The following PDE1A variants were observed in gnomAD, a reference collection of about 807,000 sequenced individuals.
The protein encoded by PDE1A is phosphodiesterase 1A.
In PDE1A, 35 loss-of-function variants were observed where a neutral mutation model predicts 61.7. The ratio of observed to expected loss-of-function variants is 0.57; its 90% CI spans 0.43 to 0.75. The LOEUF is 0.75. Among genes scored for constraint, PDE1A ranks in the 30% least tolerant of loss-of-function variants. The pLI, the probability that PDE1A is intolerant of heterozygous loss-of-function variation, is 0.00. For synonymous variants in PDE1A, 232 were observed against 213.2 expected (o/e 1.09, Z -0.77); for missense variants, 597 against 630.6 (o/e 0.95, Z 0.57).
intron 2 of PDE1A, among the ~76,000 whole-genome samples, chr2:182,253,622 G>A (rs137959550): frequency 2.0e-5 from 3 of 152,258 alleles, no homozygotes; most frequent in South Asian, 4.2e-4. Context: ...TAGTGAACTG[G>A]AGAACAATAA....
intron 13 of PDE1A, chr2:182,168,340 T>G: frequency 6.7e-7 from 1 of 1,497,784 alleles, no homozygotes; most frequent in Non-Finnish European, 9.0e-7. Flanking sequence ...GAAAATGCTG[T>G]AAAGAAGTTA....
intron 10 of PDE1A, among the ~76,000 whole-genome samples, chr2:182,190,340 T>A (rs1685584960): frequency 6.6e-6 from 1 of 152,206 alleles, no homozygotes; most frequent in African/African-American, 2.4e-5. Flanking sequence ...ATAATAACAC[T>A]ATTTCCATTT....
exon 1 of PDE1A, chr2:182,426,756 C>G: frequency 9.9e-6 from 15 of 1,515,570 alleles, no homozygotes; most frequent in Non-Finnish European, 1.1e-5. Context: ...TCCTCTTTCT[C>G]TTTTTGGGTG....
At chr2:182,574,618 C>T in the PDE1A span, among the ~76,000 whole-genome samples, 9 of 152,262 alleles carry the variant, frequency 5.9e-5, 1 homozygote, top group South Asian at 1.9e-3. Context: ...TTAGTACAAG[C>T]GTATACATGC....
chr2:182,377,513 C>A (rs1700481590), intron 1 of PDE1A, among the ~76,000 whole-genome samples: 1 of 152,182 alleles, frequency 6.6e-6, no homozygotes, highest in Non-Finnish European at 1.5e-5. Context: ...GATGCAAGAA[C>A]AGATTAATAC....
chr2:182,461,618 T>C (rs1686292425), intron 2 of PDE1A, among the ~76,000 whole-genome samples: 1 of 152,148 alleles, frequency 6.6e-6, no homozygotes. Context: ...TACATTCCCC[T>C]GTAACAGCGT....
chr2:182,383,992 T>A (rs1395288263), intron 1 of PDE1A, among the ~76,000 whole-genome samples: 2 of 152,178 alleles, frequency 1.3e-5, no homozygotes, highest in Non-Finnish European at 2.9e-5. Flanking sequence ...AATGCCTTGG[T>A]GCCATATTGG....
intron 6 of PDE1A, among the ~76,000 whole-genome samples, chr2:182,229,554 A>T (rs1199258770): frequency 1.3e-5 from 2 of 152,208 alleles, no homozygotes; most frequent in Non-Finnish European, 2.9e-5. Context: ...GCAAAAATTG[A>T]CATTAATAAT....
intron 1 of PDE1A, among the ~76,000 whole-genome samples, chr2:182,388,949 G>A (rs982500819): frequency 6.6e-6 from 1 of 152,076 alleles, no homozygotes; most frequent in African/African-American, 2.4e-5. Flanking sequence ...ACTTTTAAAT[G>A]AGACATTACA....
Position 182,172,067 on chromosome 2 carries a change from T to C in PDE1A, c.1517-3777A>G, listed in dbSNP as rs189408329. Among the ~76,000 whole-genome samples, 507 of 152,112 alleles carry C rather than the reference T, an allele frequency of 3.3e-3. 1 individual carries two copies. The highest frequency in any genetic ancestry group is 5.6e-3 in the Non-Finnish European group (383 of 67,956). On this transcript the variant is annotated intron_variant, in intron 13 of 13. Transcript: ENST00000351439. ...GCAGACATAAAACATGAGGAGAAACTTTTGGGGAACAACCCTTACATTTAG... is the reference window on the plus strand; with the variant it reads ...GCAGACATAAAACATGAGGAGAAACCTTTGGGGAACAACCCTTACATTTAG...
At chr2:182,319,743 A>G (rs1329222519) in intron 1 of PDE1A, among the ~76,000 whole-genome samples, 1 of 152,200 alleles carries the variant, frequency 6.6e-6, no homozygotes, top group African/African-American at 2.4e-5. Flanking sequence ...GCTCCTGCTG[A>G]CAAGCACAGT....
chr2:182,410,915 G>A (rs1014434080), intron 1 of PDE1A, among the ~76,000 whole-genome samples: 1 of 152,140 alleles, frequency 6.6e-6, no homozygotes, highest in African/African-American at 2.4e-5. Context: ...GTTTTCCCTG[G>A]AGCTTCATTT....
chr2:182,411,845 G>A (rs1339055522), intron 1 of PDE1A, among the ~76,000 whole-genome samples: 2 of 152,044 alleles, frequency 1.3e-5, no homozygotes, highest in African/African-American at 4.8e-5. Context: ...CAGATCACAG[G>A]TCAGGAGTTC....
chr2:182,499,347 T>G (rs1385917491), intron 2 of PDE1A, among the ~76,000 whole-genome samples: 1 of 152,020 alleles, frequency 6.6e-6, no homozygotes, highest in Non-Finnish European at 1.5e-5. Context: ...CCGCTAATTT[T>G]TTGTATTTTC....
chr2:182,564,414 C>T, the PDE1A span, among the ~76,000 whole-genome samples: 21 of 152,188 alleles, frequency 1.4e-4, no homozygotes, highest in African/African-American at 4.6e-4. Flanking sequence ...GAGTTTCTGC[C>T]GAGAGATCTG....
At chr2:182,627,023 A>AT in the PDE1A span, among the ~76,000 whole-genome samples, 1 of 52,422 alleles carries the variant, frequency 1.9e-5, no homozygotes, top group Non-Finnish European at 3.4e-5. Context: ...ATTTATATAT[A>AT]AAATATAAAT....
upstream of PDE1A, among the ~76,000 whole-genome samples, chr2:182,527,302 A>AT (rs1318221478): frequency 7.8e-4 from 19 of 24,218 alleles, no homozygotes; most frequent in African/African-American, 3.6e-3. Flanking sequence ...CCCTTTCTCT[A>AT]TAAAAAAAAA....
At chr2:182,614,581 AGTCTCACTCT>A in the PDE1A span, among the ~76,000 whole-genome samples, 1 of 131,886 alleles carries the variant, frequency 7.6e-6, no homozygotes, top group East Asian at 2.3e-4. Context: ...TTTGAGACAG[AGTCTCACTCT>A]GTCTTACCCA....
At chr2:182,286,057 T>C (rs1282404836) in intron 1 of PDE1A, among the ~76,000 whole-genome samples, 4 of 152,172 alleles carry the variant, frequency 2.6e-5, no homozygotes, top group Non-Finnish European at 5.9e-5. Flanking sequence ...AAGTAATATA[T>C]GTGAAGTGCT....
Sources: allele counts gnomAD v4.1 joint callset (sites outside exome capture counted in the v4.1 genomes callset), GRCh38; gene constraint gnomAD v4.1.1; transcripts MANE v1.5; gene names NCBI Gene and HGNC (gene_info 2026-07-23, HGNC 2026-07-21).